C11orf54: variants seen among roughly 807,000 people sequenced by gnomAD.
C11orf54 encodes beta-keto L-gulonate decarboxylase.
C11orf54 carries 29 observed loss-of-function variants against 35.5 expected under a neutral mutation model. The ratio of observed to expected loss-of-function variants is 0.82; its 90% CI spans 0.61 to 1.11. The LOEUF (loss-of-function observed/expected upper bound fraction) is 1.11, where lower values mean the gene tolerates loss of function less well. Ranked by LOEUF, C11orf54 falls within the 50% of genes most tolerant of loss-of-function variation. The pLI, the probability that C11orf54 is intolerant of heterozygous loss-of-function variation, is 0.00. For missense variants in C11orf54, 373 were observed against 369.2 expected, an observed-to-expected ratio of 1.01 and a Z score of -0.08; for synonymous variants, 108 against 121.1, an observed-to-expected ratio of 0.89 and a Z score of 0.71.
chr11:93,742,114 C>G (rs1325944188), intron 1 of C11orf54: 1 of 154,066 alleles, frequency 6.5e-6, no homozygotes, highest in Non-Finnish European at 1.4e-5. Flanking sequence ...CCCTTTCTGC[C>G]TCCCAGGAGT....
chr11:93,749,715 A>G (rs1234980300), intron 2 of C11orf54, among the ~76,000 whole-genome samples: 4 of 152,176 alleles, frequency 2.6e-5, no homozygotes, highest in African/African-American at 7.2e-5. Flanking sequence ...TGAGACACCT[A>G]TGCTTTTTTA....
intron 1 of C11orf54, among the ~76,000 whole-genome samples, chr11:93,745,457 C>A (rs979796818): frequency 3.9e-5 from 6 of 152,188 alleles, no homozygotes; most frequent in Non-Finnish European, 7.3e-5. Flanking sequence ...CAAGGCACAT[C>A]CTGCACAGCC....
intron 5 of C11orf54, 72 bp downstream of exon 5, chr11:93,754,109 A>G: frequency 7.9e-7 from 1 of 1,271,334 alleles, no homozygotes; most frequent in Non-Finnish European, 1.1e-6. Context: ...TTTTAGTGCC[A>G]AAAATCCTAC....
At chr11:93,742,605 A>G (rs562007674) in intron 1 of C11orf54, 2 of 152,212 alleles carry the variant, frequency 1.3e-5, no homozygotes, top group African/African-American at 4.8e-5. Context: ...TTCTGTTTTC[A>G]TATGATAAAC....
At chr11:93,756,695 AACTT>A (rs1211166555) in intron 6 of C11orf54, among the ~76,000 whole-genome samples, 2 of 152,152 alleles carry the variant, frequency 1.3e-5, no homozygotes, top group Non-Finnish European at 2.9e-5. Flanking sequence ...TGGTAGCAAA[AACTT>A]ACAGCAAGAA....
In C11orf54 at chr11:93,755,202, C is replaced by T. The variant is rs766562128; in HGVS notation, c.331-8C>T. The T allele has an allele frequency of 6.2e-7, 1 of 1,612,834 alleles. No homozygotes were observed. The highest frequency in any genetic ancestry group is 8.5e-7 in the Non-Finnish European group (1 of 1,179,252). ...AAAGATTGACTAATTGCCTCACTTT[C>T]TTTTCAGTTTATGCCAGTTATTCAG... On this transcript the variant is annotated splice_region_variant and splice_polypyrimidine_tract_variant and intron_variant, in intron 5 of 8. Transcript: ENST00000354421.
chr11:93,749,580 C>A (rs1444881940), intron 2 of C11orf54, among the ~76,000 whole-genome samples: 2 of 151,334 alleles, frequency 1.3e-5, no homozygotes, highest in African/African-American at 4.9e-5. Context: ...TTGGGGGACC[C>A]AAGGCAGGAA....
At position 93,741,738 on chromosome 11, in the gene C11orf54, A is replaced by C. The variant is rs1185603227; in HGVS notation, c.-98+10A>C. 3 of 338,272 alleles carry C rather than the reference A, an allele frequency of 8.9e-6. No homozygotes were observed. Among genetic ancestry groups the C allele is most frequent in the Non-Finnish European group, 5.8e-6 (1 of 171,500 alleles). 21.0% of individuals were successfully genotyped at this position (338,272 alleles called of 1,614,324 possible). A position where few individuals can be genotyped will look rare whatever the true frequency, so the allele number is the denominator to read the frequency against. ...TACCGTGACCGTTTAGGTGAGTGGA[A>C]TAGCCAAGAACATTTCGGCAAATAA... On this transcript the variant is annotated intron_variant, in intron 1 of 8. Coordinates refer to ENST00000354421, the MANE Select transcript of C11orf54 (RefSeq NM_001286069.2).
intron 2 of C11orf54, among the ~76,000 whole-genome samples, chr11:93,748,618 T>G (rs1942615221): frequency 6.6e-6 from 1 of 151,952 alleles, no homozygotes; most frequent in Admixed American, 6.6e-5. Context: ...GACAGATCAC[T>G]TGAGGTCAGG....
chr11:93,748,223 G>A (rs1302304615), intron 2 of C11orf54, among the ~76,000 whole-genome samples: 1 of 151,684 alleles, frequency 6.6e-6, no homozygotes, highest in African/African-American at 2.4e-5. Flanking sequence ...TTGAATGGTA[G>A]CTAATAAACA....
chr11:93,746,368 C>G (rs1010488330), intron 1 of C11orf54: 4 of 152,154 alleles, frequency 2.6e-5, no homozygotes, highest in Non-Finnish European at 5.9e-5. Context: ...TGTCTGTGTT[C>G]CCTGTTGTGA....
chr11:93,756,154 AAGACTCTGTCTC>A (rs1943135556), intron 6 of C11orf54, among the ~76,000 whole-genome samples: 1 of 34,828 alleles, frequency 2.9e-5, no homozygotes, highest in Non-Finnish European at 9.3e-5. Context: ...GCAACAAAGC[AAGACTCTGTCTC>A]CAAAAAAAAA....
chr11:93,748,897 G>C lies in C11orf54; in HGVS notation c.55+1449G>C, dbSNP rs554339002. Among the ~76,000 whole-genome samples, 4 of 149,674 alleles carry C rather than the reference G, an allele frequency of 2.7e-5. No homozygotes were observed. The East Asian group carries it at 8.0e-4, about 30-fold the overall frequency. On this transcript the variant is annotated intron_variant, in intron 2 of 8. Coordinates refer to ENST00000354421, the MANE Select transcript of C11orf54 (RefSeq NM_001286069.2). Reference sequence around the variant, plus strand: ...GCGGTGGCTCATGCCTGTAATCCCGGCACTTTGGGAGGCTGAGGCAGGCAG... The same window carrying C: ...GCGGTGGCTCATGCCTGTAATCCCGCCACTTTGGGAGGCTGAGGCAGGCAG...
In C11orf54 at chr11:93,750,335, G is replaced by T. The variant is rs1296468475; in HGVS notation, c.56-11G>T. On this transcript the variant is annotated splice_polypyrimidine_tract_variant and intron_variant, in intron 2 of 8. Coordinates refer to ENST00000354421, the MANE Select transcript of C11orf54 (RefSeq NM_001286069.2). ...CTAATGTTAAATAATCTTATTCCTT[G>T]TCTTTATTAGTTATGCAGAAGGGGT... is the stretch of plus-strand genomic sequence containing the variant. 4 of 1,607,486 alleles carry T rather than the reference G, an allele frequency of 2.5e-6. No homozygotes were observed. Among genetic ancestry groups the T allele is most frequent in the Non-Finnish European group, 8.5e-7 (1 of 1,174,994 alleles).
chr11:93,759,812 T>C lies in C11orf54; in HGVS notation c.728T>C (p.Met243Thr), dbSNP rs768722332. 4 of 1,611,004 alleles carry C rather than the reference T, an allele frequency of 2.5e-6. No individual in the cohort carries two copies. Among genetic ancestry groups the C allele is most frequent in the Non-Finnish European group, 8.5e-7 (1 of 1,177,884 alleles). The change falls in exon 8 of 9, where the codon ATG becomes ACG. Residue 243 changes from methionine (M) to threonine (T), a missense_variant. Transcript: ENST00000354421. ...EVNKWLHFYEMKAPLVCLPVF... is the reference protein window; with the variant it reads ...EVNKWLHFYETKAPLVCLPVF... ...AATAAATGGTTGCATTTTTATGAAA[T>C]GAAAGCTCCTTTGGTTTGTCTACCA...
In C11orf54 at chr11:93,759,795, G is replaced by A. The variant is rs1278232142; in HGVS notation, c.711G>A (p.Trp237Ter). The change falls in exon 8 of 9, where the codon TGG (tryptophan) becomes TGA (stop). Residue 237 changes from tryptophan (W) to a stop codon, truncating the protein, a stop_gained. Transcript: ENST00000354421. LOFTEE classifies it high-confidence loss of function. ...ACTCTGATGAAGAAGTGAATAAATG[G>A]TTGCATTTTTATGAAATGAAAGCTC... ...PLNSDEEVNK[W>*]LHFYEMKAPL... The A allele has an allele frequency of 1.2e-6, 2 of 1,610,836 alleles. No individual in the cohort carries two copies. The highest frequency in any genetic ancestry group is 1.7e-5 in the Admixed American group (1 of 59,962).
chr11:93,744,455 AAAGTGTTTTTATC>A (rs1942334268), intron 1 of C11orf54, among the ~76,000 whole-genome samples: 1 of 152,056 alleles, frequency 6.6e-6, no homozygotes, highest in African/African-American at 2.4e-5. Flanking sequence ...AAAAATATGT[AAAGTGTTTTTATC>A]ATTATAAATG....
intron 8 of C11orf54, among the ~76,000 whole-genome samples, chr11:93,760,562 T>C (rs1943404409): frequency 6.6e-6 from 1 of 152,130 alleles, no homozygotes; most frequent in South Asian, 2.1e-4. Context: ...TCTCCTGTCA[T>C]CTTGTTTGGT....
intron 7 of C11orf54, 70 bp from the exon 8 acceptor site, chr11:93,759,672 T>C (rs1322882890): frequency 4.2e-6 from 3 of 722,604 alleles, no homozygotes; most frequent in Non-Finnish European, 6.2e-6. Context: ...ATAAGTAAAA[T>C]ATATTTTTAA....
Sources: gnomAD v4.1 joint callset for allele counts (sites outside exome capture counted in the v4.1 genomes callset) on GRCh38, gnomAD v4.1.1 for gene constraint, MANE v1.5 for transcripts, NCBI Gene and HGNC (gene_info 2026-07-23, HGNC 2026-07-21) for gene names.